The following RARA variants were observed in gnomAD, a reference collection of about 807,000 sequenced individuals.
RARA encodes retinoic acid receptor alpha.
Under a neutral mutation model 42.8 loss-of-function variants are expected in RARA, and 5 were observed. The observed-to-expected ratio is 0.12, with a 90% CI of 0.06 to 0.25. The LOEUF is 0.25. Among genes scored for constraint, RARA ranks in the 10% least tolerant of loss-of-function variants. The pLI, the probability that RARA is intolerant of heterozygous loss-of-function variation, is 1.00. For synonymous variants in RARA, 256 were observed against 259.5 expected, an observed-to-expected ratio of 0.99 and a Z score of 0.13; for missense variants, 402 against 628.7, an observed-to-expected ratio of 0.64 and a Z score of 3.86.
intron 1 of RARA, among the ~76,000 whole-genome samples, chr17:40,317,562 C>G (rs1270342355): frequency 1.4e-5 from 2 of 146,098 alleles, no homozygotes; most frequent in Admixed American, 1.4e-4. Flanking sequence ...ATCCAAAAGT[C>G]TTGCCCTTTG....
rs769456230 is a variant in RARA at position 40,352,558 on chromosome 17, A to T, written c.807+51A>T. ...GGCACTGCCCCTGTGTCCTGGGTAG[A>T]TGTCCTTCCAGCCAGACAGCCACCC... On this transcript the variant is annotated intron_variant, in intron 6 of 8. Coordinates refer to ENST00000254066, the MANE Select transcript of RARA (RefSeq NM_000964.4). This position sits in a 1 kb window ranked among gnomAD's most constrained non-coding sequence, Gnocchi z 4.9. 1.2e-5 allele frequency: 18 copies of T among 1,444,532 alleles called. No individual in the cohort carries two copies. The highest frequency in any genetic ancestry group is 1.4e-5 in the African/African-American group (1 of 69,912). 89.5% of individuals were successfully genotyped at this position (1,444,532 alleles called of 1,614,324 possible).
At chr17:40,335,876 G>T (rs1385358873) in intron 2 of RARA, among the ~76,000 whole-genome samples, 1 of 151,834 alleles carries the variant, frequency 6.6e-6, no homozygotes, top group African/African-American at 2.4e-5. Flanking sequence ...GGTAGCGTGT[G>T]CCTATAGTCT....
intron 1 of RARA, among the ~76,000 whole-genome samples, chr17:40,313,014 G>T (rs1189686754): frequency 6.6e-6 from 1 of 152,210 alleles, no homozygotes; most frequent in Non-Finnish European, 1.5e-5. Flanking sequence ...GAAAATCCCA[G>T]CTTGGTTTGT....
chr17:40,354,626 T>C lies in RARA; in HGVS notation c.1012+120T>C. ...TATCTCTAGAGGGCAGGGTCTGGTC[T>C]GCAACTACACAGCAAGGGGGCCATG... On this transcript the variant is annotated intron_variant, in intron 7 of 8. Coordinates refer to ENST00000254066, the MANE Select transcript of RARA (RefSeq NM_000964.4). This position sits in a 1 kb window ranked among gnomAD's most constrained non-coding sequence, Gnocchi z 4.5. 1 of 1,230,840 alleles carries C rather than the reference T, an allele frequency of 8.1e-7. No homozygotes were observed. The highest frequency in any genetic ancestry group is 1.5e-5 in the South Asian group (1 of 68,306). The allele number at this position is 1,230,840 out of a possible 1,614,324, so 76.2% of individuals were successfully genotyped here. A position where few individuals can be genotyped will look rare whatever the true frequency, so the allele number is the denominator to read the frequency against.
At chr17:40,315,781 G>A (rs1351369646) in intron 1 of RARA, among the ~76,000 whole-genome samples, 1 of 152,120 alleles carries the variant, frequency 6.6e-6, no homozygotes, top group African/African-American at 2.4e-5. Flanking sequence ...TACCTGTCCA[G>A]ACTCTCTTCC....
chr17:40,311,067 C>G (rs1292476491), intron 1 of RARA, among the ~76,000 whole-genome samples: 1 of 152,028 alleles, frequency 6.6e-6, no homozygotes, highest in African/African-American at 2.4e-5. Flanking sequence ...CCCATACTTG[C>G]TCCCCTGAGC....
Position 40,355,881 on chromosome 17 carries a change from A to T in RARA, c.1172-128A>T. 1 of 886,864 alleles carries T rather than the reference A, an allele frequency of 1.1e-6. No individual in the cohort carries two copies. Among genetic ancestry groups the T allele is most frequent in the Non-Finnish European group, 1.7e-6 (1 of 584,446 alleles). 54.9% of individuals were successfully genotyped at this position (886,864 alleles called of 1,614,324 possible). A position where few individuals can be genotyped will look rare whatever the true frequency, so the allele number is the denominator to read the frequency against. On this transcript the variant is annotated intron_variant, in intron 8 of 8. Transcript: ENST00000254066. The surrounding 1 kb of genome is among the most constrained non-coding windows in gnomAD (Gnocchi z 4.1). ...GCTTAAGAGAGCTGGCTCGTGTCAA[A>T]GAACTGAATCCCAAGAAAGATGCTA...
rs571021564 is a variant in RARA at position 40,357,529 on chromosome 17, C to T, written c.*1303C>T. 16 of 232,644 alleles carry T rather than the reference C, an allele frequency of 6.9e-5. No homozygotes were observed. In the South Asian group the frequency reaches 1.6e-3, roughly 24 times the overall value. The allele number at this position is 232,644 out of a possible 1,614,324, so 14.4% of individuals were successfully genotyped here. ...CCAGCTGGGGGAGCTGGCTCTGCCC[C>T]GACCTCCTTCACCAGGGGTTGGGGC... On this transcript the variant is annotated 3_prime_UTR_variant, in exon 9 of 9. Coordinates refer to ENST00000254066, the MANE Select transcript of RARA (RefSeq NM_000964.4).
At position 40,345,845 on chromosome 17, in the gene RARA, T is replaced by A. The variant is rs1598574375; in HGVS notation, c.179-2471T>A. On this transcript the variant is annotated intron_variant, in intron 2 of 8. Coordinates refer to ENST00000254066, the MANE Select transcript of RARA (RefSeq NM_000964.4). This position sits in a 1 kb window ranked among gnomAD's most constrained non-coding sequence, Gnocchi z 4.8. The stretch of plus-strand genomic sequence containing the variant: ...TGCAGAGGCTGTGAGGATTCCGGAG[T>A]TCCCCACACCTCCGGCCTTGGTCCT... Among the ~76,000 whole-genome samples the A allele has an allele frequency of 6.6e-6, 1 of 152,104 alleles. No homozygotes were observed. Among genetic ancestry groups the A allele is most frequent in the Non-Finnish European group, 1.5e-5 (1 of 68,010 alleles).
intron 2 of RARA, among the ~76,000 whole-genome samples, chr17:40,336,973 C>G (rs995026793): frequency 6.6e-6 from 1 of 152,254 alleles, no homozygotes; most frequent in Admixed American, 6.5e-5. Flanking sequence ...GCTGGGATTA[C>G]AGGCATCAGC....
chr17:40,341,418 G>A, intron 2 of RARA: 2 of 1,521,032 alleles, frequency 1.3e-6, no homozygotes, highest in Non-Finnish European at 1.8e-6. Context: ...ACACAAGCCG[G>A]TGTCTCATTC....
chr17:40,350,107 C>T, intron 4 of RARA, 182 bp downstream of exon 4: 2 of 932,530 alleles, frequency 2.1e-6, no homozygotes, highest in East Asian at 2.7e-5. Flanking sequence ...GCGAGTCTGG[C>T]TGGCTGTGTG....
At chr17:40,342,640 C>T in intron 2 of RARA, 1 of 1,548,302 alleles carries the variant, frequency 6.5e-7, no homozygotes. Flanking sequence ...ATGGCGCCGC[C>T]GGCTGAGTGA....
At chr17:40,317,728 G>T (rs1270944427) in intron 1 of RARA, among the ~76,000 whole-genome samples, 4 of 151,068 alleles carry the variant, frequency 2.6e-5, no homozygotes, top group Admixed American at 2.0e-4. Flanking sequence ...TTGCAGCTGA[G>T]ATAATTAAGA....
intron 1 of RARA, among the ~76,000 whole-genome samples, chr17:40,315,730 T>C (rs2033200262): frequency 6.6e-6 from 1 of 152,108 alleles, no homozygotes; most frequent in African/African-American, 2.4e-5. Context: ...CAGAGCTATA[T>C]TTTATCTCTT....
chr17:40,355,312 G>T lies in RARA; in HGVS notation c.1062G>T (p.Pro354=), dbSNP rs1415019868. ...QPDRVDMLQE[P]LLEALKVYVR... is the part of the protein sequence containing the mutation. ...ACCGGGTGGACATGCTGCAGGAGCC[G>T]CTGCTGGAGGCGCTAAAGGTCTACG... The change falls in exon 8 of 9, where the codon CCG becomes CCT. Residue 354 remains proline, a synonymous_variant. Coordinates refer to ENST00000254066, the MANE Select transcript of RARA (RefSeq NM_000964.4). This position sits in a 1 kb window ranked among gnomAD's most constrained non-coding sequence, Gnocchi z 4.1. 1 of 1,606,500 alleles carries T rather than the reference G, an allele frequency of 6.2e-7. No homozygotes were observed. The highest frequency in any genetic ancestry group is 1.3e-5 in the African/African-American group (1 of 74,890).
chr17:40,339,149 G>A (rs2033947340), intron 2 of RARA, among the ~76,000 whole-genome samples: 2 of 152,246 alleles, frequency 1.3e-5, no homozygotes, highest in Admixed American at 1.3e-4. Context: ...CAGCAAGGCT[G>A]TGATAGTGAG....
chr17:40,335,276 C>T (rs918695028), intron 2 of RARA, among the ~76,000 whole-genome samples: 1 of 152,048 alleles, frequency 6.6e-6, no homozygotes, highest in Non-Finnish European at 1.5e-5. Context: ...CGTTTGGGTT[C>T]TTAACCTTTC....
At chr17:40,312,249 C>G (rs1285930120) in intron 1 of RARA, among the ~76,000 whole-genome samples, 4 of 152,256 alleles carry the variant, frequency 2.6e-5, no homozygotes, top group African/African-American at 7.2e-5. Context: ...CCGCTTGCCT[C>G]CTTTCTCCTC....
Sources: allele counts gnomAD v4.1 joint callset (sites outside exome capture counted in the v4.1 genomes callset), GRCh38; gene constraint gnomAD v4.1.1; non-coding constraint Gnocchi (gnomAD v3.1); transcripts MANE v1.5; gene names NCBI Gene and HGNC (gene_info 2026-07-23, HGNC 2026-07-21).